SEMA6D: variants seen among roughly 807,000 people sequenced by gnomAD.
SEMA6D encodes semaphorin-6D.
Under a neutral mutation model 106.6 loss-of-function variants are expected in SEMA6D, and 35 were observed. The ratio of observed to expected loss-of-function variants is 0.33; its 90% CI spans 0.25 to 0.44. The LOEUF (loss-of-function observed/expected upper bound fraction) is 0.44, where lower values mean the gene tolerates loss of function less well. SEMA6D is among the 20% of genes least tolerant of loss of function. The pLI, the probability that SEMA6D is intolerant of heterozygous loss-of-function variation, is 1.00. For synonymous variants in SEMA6D, 499 were observed against 487.7 expected, an observed-to-expected ratio of 1.02 and a Z score of -0.31; for missense variants, 1,185 against 1,345.9, an observed-to-expected ratio of 0.88 and a Z score of 1.87.
chr15:47,526,830 G>A (rs1009771054), intron 3 of SEMA6D, among the ~76,000 whole-genome samples: 4 of 151,956 alleles, frequency 2.6e-5, no homozygotes, highest in Admixed American at 2.0e-4. Flanking sequence ...TCCGCCTCCC[G>A]GGTTCAAGCG....
chr15:47,282,201 ACTCCAC>A (rs2035157290), intron 1 of SEMA6D, among the ~76,000 whole-genome samples: 1 of 152,080 alleles, frequency 6.6e-6, no homozygotes, highest in Non-Finnish European at 1.5e-5. Context: ...ATCATTATCA[ACTCCAC>A]TTTGTCATGA....
intron 4 of SEMA6D, among the ~76,000 whole-genome samples, chr15:47,637,795 A>G (rs1237771298): frequency 6.6e-6 from 1 of 152,184 alleles, no homozygotes; most frequent in Non-Finnish European, 1.5e-5. Flanking sequence ...CTTCATGGGG[A>G]ATATCCAGTG....
intron 1 of SEMA6D, among the ~76,000 whole-genome samples, chr15:47,328,685 C>G (rs1036123780): frequency 6.6e-6 from 1 of 152,170 alleles, no homozygotes; most frequent in Non-Finnish European, 1.5e-5. Flanking sequence ...ACTTCTGTCT[C>G]CTACCACAAT....
chr15:47,722,456 G>A (rs1016936576), intron 1 of SEMA6D, among the ~76,000 whole-genome samples: 5 of 152,090 alleles, frequency 3.3e-5, no homozygotes, highest in African/African-American at 7.2e-5. Flanking sequence ...ACTTTCTGTC[G>A]CTTTTTTTTT....
intron 3 of SEMA6D, among the ~76,000 whole-genome samples, chr15:47,534,635 G>A (rs929236365): frequency 3.9e-5 from 6 of 152,118 alleles, no homozygotes; most frequent in Non-Finnish European, 1.5e-5. Flanking sequence ...ATGTAAATAA[G>A]TAGCTTGGTC....
At chr15:47,374,636 A>G (rs281248) in intron 1 of SEMA6D, among the ~76,000 whole-genome samples, 98,135 of 152,036 alleles carry the variant, frequency 0.65, 32,521 homozygotes, top group Non-Finnish European at 0.72. Flanking sequence ...GGCCCACTGC[A>G]TTAAGATAAG....
At chr15:47,307,839 T>C (rs1245042164) in intron 1 of SEMA6D, among the ~76,000 whole-genome samples, 1 of 152,200 alleles carries the variant, frequency 6.6e-6, no homozygotes, top group Non-Finnish European at 1.5e-5. Flanking sequence ...GTAATTATGC[T>C]TCATTACTTA....
intron 1 of SEMA6D, among the ~76,000 whole-genome samples, chr15:47,221,205 C>T (rs1287511361): frequency 6.6e-6 from 1 of 152,166 alleles, no homozygotes; most frequent in Non-Finnish European, 1.5e-5. Flanking sequence ...ATAGATTTTC[C>T]TTCCCTGCAT....
intron 1 of SEMA6D, among the ~76,000 whole-genome samples, chr15:47,243,548 G>C (rs1160334283): frequency 6.6e-6 from 1 of 152,050 alleles, no homozygotes; most frequent in African/African-American, 2.4e-5. Flanking sequence ...ATTCAAGTCA[G>C]TATTGTTTTG....
At chr15:47,614,396 G>T (rs576978612) in intron 4 of SEMA6D, among the ~76,000 whole-genome samples, 111 of 152,310 alleles carry the variant, frequency 7.3e-4, no homozygotes, top group African/African-American at 2.6e-3. Flanking sequence ...GCTGTTTGTT[G>T]TATCAAGTGC....
intron 3 of SEMA6D, among the ~76,000 whole-genome samples, chr15:47,595,594 C>G (rs538420369): frequency 6.6e-6 from 1 of 152,118 alleles, no homozygotes; most frequent in South Asian, 2.1e-4. Flanking sequence ...TAATGCTGGC[C>G]TCATGAAAAG....
At chr15:47,733,394 A>T (rs925777686) in intron 1 of SEMA6D, among the ~76,000 whole-genome samples, 4 of 152,192 alleles carry the variant, frequency 2.6e-5, no homozygotes, top group African/African-American at 9.6e-5. Flanking sequence ...GTTTCTTTGC[A>T]AGAAGCTGTA....
At chr15:47,490,122 T>C (rs1433687200) in intron 3 of SEMA6D, among the ~76,000 whole-genome samples, 1 of 152,222 alleles carries the variant, frequency 6.6e-6, no homozygotes, top group African/African-American at 2.4e-5. Context: ...GATATCATAC[T>C]ATTTTGTAAT....
intron 1 of SEMA6D, among the ~76,000 whole-genome samples, chr15:47,389,019 T>G (rs961484559): frequency 1.3e-5 from 2 of 152,152 alleles, no homozygotes; most frequent in African/African-American, 4.8e-5. Flanking sequence ...AAGTAAGTAA[T>G]GTTTTTTTTC....
intron 3 of SEMA6D, among the ~76,000 whole-genome samples, chr15:47,541,468 C>G (rs1337393453): frequency 2.0e-5 from 3 of 152,168 alleles, no homozygotes; most frequent in African/African-American, 7.2e-5. Context: ...TTGATCTCTA[C>G]TTGGTTTTGT....
At chr15:47,625,171 G>A (rs938176215) in intron 4 of SEMA6D, among the ~76,000 whole-genome samples, 1 of 152,002 alleles carries the variant, frequency 6.6e-6, no homozygotes, top group Non-Finnish European at 1.5e-5. Flanking sequence ...AGATTTTTTG[G>A]GGGGAGAAAA....
chr15:47,611,943 A>T (rs1463534364), intron 4 of SEMA6D, among the ~76,000 whole-genome samples: 1 of 152,206 alleles, frequency 6.6e-6, no homozygotes, highest in Non-Finnish European at 1.5e-5. Context: ...AGGTGCAGAA[A>T]TAAAGATGCC....
intron 3 of SEMA6D, among the ~76,000 whole-genome samples, chr15:47,535,804 A>G (rs2045144187): frequency 6.6e-6 from 1 of 152,132 alleles, no homozygotes; most frequent in Non-Finnish European, 1.5e-5. Flanking sequence ...GGAAAGCCTC[A>G]TGTCATGCAT....
chr15:47,332,469 T>C (rs1381660372), intron 1 of SEMA6D, among the ~76,000 whole-genome samples: 2 of 152,202 alleles, frequency 1.3e-5, no homozygotes, highest in Non-Finnish European at 2.9e-5. Flanking sequence ...GTTGTTGCTC[T>C]GGTTATACAT....
Sources: allele counts gnomAD v4.1 joint callset (sites outside exome capture counted in the v4.1 genomes callset), GRCh38; gene constraint gnomAD v4.1.1; transcripts MANE v1.5; gene names NCBI Gene and HGNC (gene_info 2026-07-23, HGNC 2026-07-21).